The following SPTBN2 variants were observed in gnomAD, a reference collection of about 807,000 sequenced individuals.
The protein encoded by SPTBN2 is spectrin beta chain, non-erythrocytic 2.
SPTBN2 carries 107 observed loss-of-function variants against 284.2 expected under a neutral mutation model. The ratio of observed to expected loss-of-function variants is 0.38; its 90% CI spans 0.32 to 0.44. SPTBN2 has a LOEUF of 0.44. Ranked by LOEUF, SPTBN2 falls within the 20% of genes least tolerant of loss-of-function variation. The pLI, the probability that SPTBN2 is intolerant of heterozygous loss-of-function variation, is 1.00. For synonymous variants in SPTBN2, 1,289 were observed against 1,354.8 expected (o/e 0.95, Z 1.07); for missense variants, 2,569 against 3,287.1 (o/e 0.78, Z 5.34).
At chr11:66,742,762 A>G (rs987656770) in intron 1 of SPTBN2, among the ~76,000 whole-genome samples, 3 of 152,118 alleles carry the variant, frequency 2.0e-5, no homozygotes, top group Non-Finnish European at 4.4e-5. Flanking sequence ...GGCACATGCC[A>G]ACACGCCTGG....
At chr11:66,744,616 G>A (rs2135620893) in exon 1 of SPTBN2, 1 of 257,560 alleles carries the variant, frequency 3.9e-6, no homozygotes. Flanking sequence ...GGCACCCGCG[G>A]CGCTCAGAGG....
chr11:66,682,573 AAATT>A lies in SPTBN2; in HGVS notation c.*3294_*3297del, dbSNP rs1939859494. On this transcript the variant is annotated 3_prime_UTR_variant, in exon 38 of 38. Coordinates refer to ENST00000533211, the MANE Select transcript of SPTBN2 (RefSeq NM_006946.4). Reference sequence around the variant, plus strand: ...TTATTTCAACACATAATCAATATAAAAATTAAGGTATTTAAAGTTGTTGTCCTCT... The same window carrying A: ...TTATTTCAACACATAATCAATATAAAAAGGTATTTAAAGTTGTTGTCCTCT... 6.6e-6 allele frequency among the ~76,000 whole-genome samples: 1 copy of A among 152,192 alleles called. No homozygotes were observed. The highest frequency in any genetic ancestry group is 1.5e-5 in the Non-Finnish European group (1 of 68,036).
rs1246175977 is a variant in SPTBN2 at position 66,704,908 on chromosome 11, G to T, written c.2368C>A (p.Arg790=). 1.2e-6 allele frequency: 2 copies of T among 1,611,500 alleles called. No individual in the cohort carries two copies. The highest frequency in any genetic ancestry group is 1.7e-6 in the Non-Finnish European group (2 of 1,179,912). ...CTTCGAATCTCCTCCTCCAGGGCCC[G>T]ATGCTGCCTGGCTAGAGCCTGCGTG... ...FSTQALARQH[R]ALEEEIRSHR... The change falls in exon 15 of 38, where the codon CGG becomes AGG. Residue 790 remains arginine (R), a synonymous_variant. Coordinates refer to ENST00000533211, the MANE Select transcript of SPTBN2 (RefSeq NM_006946.4).
Position 66,691,791 on chromosome 11 carries a change from T to C in SPTBN2, c.5191-133A>G. ...TGCATGGGGGCCGGGACAGGTTTCT[T>C]CCCTGTGGTTAAGGAGTAGGTGCAG... On this transcript the variant is annotated intron_variant, in intron 26 of 37. Transcript: ENST00000533211. This position sits in a 1 kb window ranked among gnomAD's most constrained non-coding sequence, Gnocchi z 8.0. 7.4e-7 allele frequency: 1 copy of C among 1,345,178 alleles called. No homozygotes were observed. The highest frequency in any genetic ancestry group is 1.0e-6 in the Non-Finnish European group (1 of 967,674). 83.3% of individuals were successfully genotyped at this position (1,345,178 alleles called of 1,614,324 possible). A position where few individuals can be genotyped will look rare whatever the true frequency, so the allele number is the denominator to read the frequency against.
chr11:66,734,981 T>C (rs1026838697), intron 1 of SPTBN2, among the ~76,000 whole-genome samples: 3 of 152,192 alleles, frequency 2.0e-5, no homozygotes, highest in Non-Finnish European at 4.4e-5. Context: ...ATAGGGATGA[T>C]ACAGAGAGAT....
At chr11:66,724,441 T>C (rs1202767412) in intron 1 of SPTBN2, among the ~76,000 whole-genome samples, 1 of 151,976 alleles carries the variant, frequency 6.6e-6, no homozygotes, top group African/African-American at 2.4e-5. Flanking sequence ...AAAAGACTGA[T>C]TTGGATTCCT....
intron 1 of SPTBN2, among the ~76,000 whole-genome samples, chr11:66,741,961 T>C (rs1942898598): frequency 6.6e-6 from 1 of 152,072 alleles, no homozygotes; most frequent in African/African-American, 2.4e-5. Context: ...GTTAGGACTG[T>C]AGGCATGCAT....
Position 66,687,749 on chromosome 11 carries a change from C to T in SPTBN2, c.6502-102G>A. On this transcript the variant is annotated intron_variant, in intron 34 of 37. Coordinates refer to ENST00000533211, the MANE Select transcript of SPTBN2 (RefSeq NM_006946.4). The surrounding 1 kb of genome is among the most constrained non-coding windows in gnomAD (Gnocchi z 5.2). ...AGGAGTTGGTCTTCCTGCCCCCAAG[C>T]TGCCTGTGAGCCTCTGCCCTCTCCC... The T allele has an allele frequency of 1.3e-6, 2 of 1,584,854 alleles. No individual in the cohort carries two copies. The highest frequency in any genetic ancestry group is 1.7e-6 in the Non-Finnish European group (2 of 1,155,786).
In SPTBN2 at chr11:66,718,479, C is replaced by T. The variant is rs1221361569; in HGVS notation, c.158-2498G>A. On this transcript the variant is annotated intron_variant, in intron 3 of 37. Coordinates refer to ENST00000533211, the MANE Select transcript of SPTBN2 (RefSeq NM_006946.4). This position sits in a 1 kb window ranked among gnomAD's most constrained non-coding sequence, Gnocchi z 4.8. ...TTGAAGCGTCCTTCCAGCACGCTGGCATACTGAGCAGGGTTGATGAAAGCA... is the reference window on the plus strand; with the variant it reads ...TTGAAGCGTCCTTCCAGCACGCTGGTATACTGAGCAGGGTTGATGAAAGCA... Among the ~76,000 whole-genome samples, 1 of 152,230 alleles carries T rather than the reference C, an allele frequency of 6.6e-6. No individual in the cohort carries two copies. Among genetic ancestry groups the T allele is most frequent in the East Asian group, 1.9e-4 (1 of 5,192 alleles).
chr11:66,738,146 C>T (rs1043305813), intron 1 of SPTBN2, among the ~76,000 whole-genome samples: 2 of 151,954 alleles, frequency 1.3e-5, no homozygotes, highest in Non-Finnish European at 2.9e-5. Flanking sequence ...ACCCGGGAGG[C>T]AGAGGTTGCA....
In SPTBN2 at chr11:66,715,449, C is replaced by T. The variant is rs183195406; in HGVS notation, c.310-54G>A. ...GGGACTGTGGGCTTCCACCTTCTTCCCCAGCCTTCACAGGGCCCAGCTTTG... is the reference window on the plus strand; with the variant it reads ...GGGACTGTGGGCTTCCACCTTCTTCTCCAGCCTTCACAGGGCCCAGCTTTG... On this transcript the variant is annotated intron_variant, in intron 4 of 37. Transcript: ENST00000533211. The surrounding 1 kb of genome is among the most constrained non-coding windows in gnomAD (Gnocchi z 5.3). 35 of 1,571,842 alleles carry T rather than the reference C, an allele frequency of 2.2e-5. No homozygotes were observed. In the African/African-American group the frequency reaches 4.4e-4, roughly 20 times the overall value.
rs745846459 is a variant in SPTBN2 at position 66,705,717 on chromosome 11, C to T, written c.1774G>A (p.Ala592Thr). Residue 592 changes from alanine (A) to threonine (T), a missense_variant, in exon 14 of 38, where the codon GCC becomes ACC. Transcript: ENST00000533211. ...GGGTTGCAGAAGCGCAGGGCAGAGG[C>T]GCTGACGGCCCGCACCCTCTCGGCC... ...VQAERVRAVS[A>T]SALRFCNPGK... 4 of 1,612,234 alleles carry T rather than the reference C, an allele frequency of 2.5e-6. No homozygotes were observed. Among genetic ancestry groups the T allele is most frequent in the African/African-American group, 1.3e-5 (1 of 74,936 alleles).
In SPTBN2 at chr11:66,700,084, T is replaced by C. The variant is rs933584759; in HGVS notation, c.3573+442A>G. Reference sequence around the variant, plus strand: ...GATCCACCAGCCTCAGCCTCCCCAGTAGCTGGAGCTACAGGCATGCACCAC... The same window carrying C: ...GATCCACCAGCCTCAGCCTCCCCAGCAGCTGGAGCTACAGGCATGCACCAC... On this transcript the variant is annotated intron_variant, in intron 17 of 37. Coordinates refer to ENST00000533211, the MANE Select transcript of SPTBN2 (RefSeq NM_006946.4). This position sits in a 1 kb window ranked among gnomAD's most constrained non-coding sequence, Gnocchi z 6.6. Among the ~76,000 whole-genome samples, 4 of 151,986 alleles carry C rather than the reference T, an allele frequency of 2.6e-5. No individual in the cohort carries two copies. The highest frequency in any genetic ancestry group is 6.6e-5 in the Admixed American group (1 of 15,252).
rs1939860760 is a variant in SPTBN2, at chr11:66,682,591, T to C, written c.*3280A>G. Among the ~76,000 whole-genome samples, 2 of 152,210 alleles carry C rather than the reference T, an allele frequency of 1.3e-5. No homozygotes were observed. The highest frequency in any genetic ancestry group is 4.1e-4 in the South Asian group (2 of 4,830). On this transcript the variant is annotated 3_prime_UTR_variant, in exon 38 of 38. Transcript: ENST00000533211. ...AATATAAAAATTAAGGTATTTAAAGTTGTTGTCCTCTTCCATGCTTCATAC... is the reference window on the plus strand; with the variant it reads ...AATATAAAAATTAAGGTATTTAAAGCTGTTGTCCTCTTCCATGCTTCATAC...
In SPTBN2 at chr11:66,696,647, A is replaced by G. The variant is rs925158066; in HGVS notation, c.4015-107T>C. On this transcript the variant is annotated intron_variant, in intron 20 of 37. Coordinates refer to ENST00000533211, the MANE Select transcript of SPTBN2 (RefSeq NM_006946.4). ...GCAGTAGAGACCTGAAGTGTGGGCAATAATTCCAAGTCCTTGTGTGTTCTT... is the reference window on the plus strand; with the variant it reads ...GCAGTAGAGACCTGAAGTGTGGGCAGTAATTCCAAGTCCTTGTGTGTTCTT... 4.1e-6 allele frequency: 6 copies of G among 1,459,300 alleles called. No individual in the cohort carries two copies. The South Asian group carries it at 4.6e-5, about 11-fold the overall frequency. 90.4% of individuals were successfully genotyped at this position (1,459,300 alleles called of 1,614,324 possible). A position where few individuals can be genotyped will look rare whatever the true frequency, so the allele number is the denominator to read the frequency against.
rs1942741980 is a variant in SPTBN2 at position 66,729,011 on chromosome 11, C to T, written c.-384G>A. 6.6e-6 allele frequency: 1 copy of T among 151,640 alleles called. No individual in the cohort carries two copies. Among genetic ancestry groups the T allele is most frequent in the African/African-American group, 2.4e-5 (1 of 41,196 alleles). The allele number at this position is 151,640 out of a possible 1,614,324, so 9.4% of individuals were successfully genotyped here. ...CTACAGATCAGATGCTCCAAACAGG[C>T]ATCTCAGCGCTTCTCAGCTCCTCTC... On this transcript the variant is annotated 5_prime_UTR_variant, in exon 1 of 38. The change abolishes an upstream ATG in the 5' untranslated region. Transcript: ENST00000533211.
intron 3 of SPTBN2, among the ~76,000 whole-genome samples, chr11:66,719,548 G>A (rs902411380): frequency 6.6e-6 from 1 of 152,230 alleles, no homozygotes; most frequent in Non-Finnish European, 1.5e-5. Context: ...ATGAGAGCAC[G>A]AGGTCACACA....
exon 1 of SPTBN2, chr11:66,744,655 G>T (rs992620257): frequency 3.6e-5 from 16 of 442,004 alleles, no homozygotes; most frequent in African/African-American, 2.3e-4. Flanking sequence ...GGCGGTTCGC[G>T]GTCTCGGGGC....
chr11:66,699,409 CTCTCAATGGA>C lies in SPTBN2; in HGVS notation c.3763_3772del (p.Ser1255GlyfsTer33), dbSNP rs772568649. 1 of 1,614,106 alleles carries C rather than the reference CTCTCAATGGA, an allele frequency of 6.2e-7. No individual in the cohort carries two copies. The highest frequency in any genetic ancestry group is 2.2e-5 in the East Asian group (1 of 44,884). ...TCATGGACTGTCCTCATCAGACCTC[CTCTCAATGGA>C]GTCTGCCTTTTCCCGAATCTTGTCG... is the stretch of plus-strand genomic sequence containing the variant. On this transcript the variant is annotated frameshift_variant, in exon 18 of 38. Coordinates refer to ENST00000533211, the MANE Select transcript of SPTBN2 (RefSeq NM_006946.4). LOFTEE classifies it high-confidence loss of function.
Sources: allele counts gnomAD v4.1 joint callset (sites outside exome capture counted in the v4.1 genomes callset), GRCh38; gene constraint gnomAD v4.1.1; non-coding constraint Gnocchi (gnomAD v3.1); transcripts MANE v1.5; gene names NCBI Gene and HGNC (gene_info 2026-07-23, HGNC 2026-07-21).